PARP8: variants seen among roughly 807,000 people sequenced by gnomAD.
PARP8 encodes the protein poly(ADP-ribose) polymerase family member 8, also known as protein mono-ADP-ribosyltransferase PARP8.
In PARP8, 51 loss-of-function variants were observed where a neutral mutation model predicts 124.1. The observed-to-expected ratio is 0.41, with a 90% CI of 0.33 to 0.52. The LOEUF is 0.52. Among genes scored for constraint, PARP8 ranks in the 20% least tolerant of loss-of-function variants. PARP8 has a pLI of 0.21. For missense variants in PARP8, 860 were observed against 1,018.9 expected, an observed-to-expected ratio of 0.84 and a Z score of 2.12; for synonymous variants, 391 against 361.5, an observed-to-expected ratio of 1.08 and a Z score of -0.93.
At chr5:50,769,483 G>A (rs150306437) in intron 7 of PARP8, among the ~76,000 whole-genome samples, 280 of 152,042 alleles carry the variant, frequency 1.8e-3, no homozygotes, top group African/African-American at 5.2e-3. Flanking sequence ...CATTTAAAAA[G>A]TAACTAAACA....
intron 15 of PARP8, among the ~76,000 whole-genome samples, chr5:50,817,114 A>G (rs1046010925): frequency 1.4e-4 from 21 of 152,194 alleles, no homozygotes; most frequent in African/African-American, 5.1e-4. Flanking sequence ...TAGTAATAGT[A>G]AATTATAAAT....
chr5:50,724,337 A>T (rs567925363), intron 2 of PARP8, among the ~76,000 whole-genome samples: 4 of 152,288 alleles, frequency 2.6e-5, no homozygotes, highest in African/African-American at 9.6e-5. Flanking sequence ...CAGTAGATGC[A>T]TTTAAAATAA....
At chr5:50,841,931 A>C in intron 25 of PARP8, 35 bp from the exon 26 acceptor site, 1 of 1,448,878 alleles carries the variant, frequency 6.9e-7, no homozygotes, top group East Asian at 2.3e-5. Context: ...GCCATCTTTT[A>C]AAATGTTTTT....
chr5:50,669,558 C>T (rs1484839770), intron 2 of PARP8: 5 of 152,104 alleles, frequency 3.3e-5, no homozygotes, highest in African/African-American at 9.7e-5. Flanking sequence ...CCTCAGTTTA[C>T]TTATCTGTAC....
At position 50,839,666 on chromosome 5, in the gene PARP8, TTCTC is replaced by T. The variant is rs34544570; in HGVS notation, c.2463-2278_2463-2275del. Among the ~76,000 whole-genome samples the T allele has an allele frequency of 1.1e-3, 158 of 147,480 alleles. 2 individuals are homozygous for T. In the East Asian group the frequency reaches 0.013, roughly 12 times the overall value. The stretch of plus-strand genomic sequence containing the variant: ...TTAAGCATACTGTCTCTCTCTTTCT[TTCTC>T]TCTCTCTCTCTCTCTCTCTCTAGTT... On this transcript the variant is annotated intron_variant, in intron 25 of 25. Transcript: ENST00000281631.
chr5:50,785,577 G>A (rs908796392), intron 9 of PARP8, among the ~76,000 whole-genome samples: 1 of 152,144 alleles, frequency 6.6e-6, no homozygotes, highest in Non-Finnish European at 1.5e-5. Context: ...TTTTCAAGAT[G>A]TTAGAATGTT....
intron 23 of PARP8, among the ~76,000 whole-genome samples, chr5:50,833,240 T>A (rs1747185717): frequency 6.6e-6 from 1 of 152,106 alleles, no homozygotes; most frequent in South Asian, 2.1e-4. Context: ...TTTAATGCTG[T>A]CAGGTGGAAG....
intron 7 of PARP8, among the ~76,000 whole-genome samples, chr5:50,767,346 C>T (rs74808766): frequency 0.01 from 1,529 of 152,298 alleles, 22 homozygotes; most frequent in African/African-American, 0.035. Context: ...ATTGAGTCTT[C>T]ATCCTCTGCC....
intron 9 of PARP8, among the ~76,000 whole-genome samples, chr5:50,779,903 A>C (rs868349190): frequency 6.7e-5 from 10 of 148,860 alleles, no homozygotes; most frequent in Middle Eastern, 3.4e-3. Flanking sequence ...AATACATTCT[A>C]TTTAAATTAA....
rs1029804200 is a variant in PARP8, at chr5:50,824,676, G to A, written c.1861-232G>A. On this transcript the variant is annotated intron_variant, in intron 17 of 25. Transcript: ENST00000281631. ...TGTAAATGGAAGCCAGGCTAAAATCGGGACAAGTCTTTTAACACAGTGTTT... is the reference window on the plus strand; with the variant it reads ...TGTAAATGGAAGCCAGGCTAAAATCAGGACAAGTCTTTTAACACAGTGTTT... Among the ~76,000 whole-genome samples, 113 of 151,990 alleles carry A rather than the reference G, an allele frequency of 7.4e-4. 8 individuals carry two copies. Among genetic ancestry groups the A allele is most frequent in the Non-Finnish European group, 1.5e-5 (1 of 68,000 alleles).
chr5:50,705,396 G>T (rs546722759), intron 2 of PARP8, among the ~76,000 whole-genome samples: 41 of 152,258 alleles, frequency 2.7e-4, no homozygotes, highest in African/African-American at 8.9e-4. Context: ...AAAAATAATA[G>T]TGTCTATATT....
chr5:50,773,849 T>TG (rs1464753054), intron 7 of PARP8, among the ~76,000 whole-genome samples: 1 of 151,626 alleles, frequency 6.6e-6, no homozygotes, highest in African/African-American at 2.4e-5. Context: ...TTTTTTTTTT[T>TG]TAGTATTTAT....
At chr5:50,777,216 G>A (rs185775506) in intron 7 of PARP8, among the ~76,000 whole-genome samples, 1 of 152,248 alleles carries the variant, frequency 6.6e-6, no homozygotes, top group Admixed American at 6.5e-5. Flanking sequence ...AGTACCTTAG[G>A]TGTTTTGTGA....
At chr5:50,709,386 A>G (rs1350458699) in intron 2 of PARP8, among the ~76,000 whole-genome samples, 2 of 150,980 alleles carry the variant, frequency 1.3e-5, no homozygotes, top group Non-Finnish European at 1.5e-5. Context: ...TTCTTGTTTC[A>G]TGTGCCAAGT....
chr5:50,760,850 T>G (rs1760473864), intron 5 of PARP8, among the ~76,000 whole-genome samples: 2 of 152,086 alleles, frequency 1.3e-5, no homozygotes, highest in Non-Finnish European at 2.9e-5. Flanking sequence ...TAAATAAATA[T>G]CAGGATATTA....
At chr5:50,713,433 G>A (rs541106190) in intron 2 of PARP8, among the ~76,000 whole-genome samples, 3 of 152,070 alleles carry the variant, frequency 2.0e-5, no homozygotes, top group African/African-American at 7.2e-5. Context: ...TAGAGATGGG[G>A]TTTTGCCTTG....
At chr5:50,694,667 A>G (rs1752834307) in intron 2 of PARP8, among the ~76,000 whole-genome samples, 2 of 152,172 alleles carry the variant, frequency 1.3e-5, no homozygotes, top group Admixed American at 1.3e-4. Flanking sequence ...GTTCTCTAGA[A>G]GGACGGAACT....
intron 2 of PARP8, among the ~76,000 whole-genome samples, chr5:50,692,206 C>G (rs1752564889): frequency 6.6e-6 from 1 of 152,138 alleles, no homozygotes; most frequent in African/African-American, 2.4e-5. Context: ...AATCTAAAAT[C>G]TTTGTCATGT....
At chr5:50,752,009 T>G (rs1044095829) in intron 3 of PARP8, among the ~76,000 whole-genome samples, 2 of 152,154 alleles carry the variant, frequency 1.3e-5, no homozygotes, top group Non-Finnish European at 2.9e-5. Context: ...GGAATAATTT[T>G]TAATAATAGA....
Sources: allele counts gnomAD v4.1 joint callset (sites outside exome capture counted in the v4.1 genomes callset), GRCh38; gene constraint gnomAD v4.1.1; transcripts MANE v1.5; gene names NCBI Gene and HGNC (gene_info 2026-07-23, HGNC 2026-07-21).